PITPNM2: variants seen among roughly 807,000 people sequenced by gnomAD.
PITPNM2 encodes the protein membrane-associated phosphatidylinositol transfer protein 2.
Under a neutral mutation model 132.2 loss-of-function variants are expected in PITPNM2, and 35 were observed. The ratio of observed to expected loss-of-function variants is 0.26; its 90% CI spans 0.20 to 0.35. The LOEUF (loss-of-function observed/expected upper bound fraction) is 0.35. Among genes scored for constraint, PITPNM2 ranks in the 10% least tolerant of loss-of-function variants. The pLI is 1.00. For missense variants in PITPNM2, 1,332 were observed against 1,912.0 expected, an observed-to-expected ratio of 0.70 and a Z score of 5.66; for synonymous variants, 738 against 799.2, an observed-to-expected ratio of 0.92 and a Z score of 1.29.
At chr12:123,069,898 T>A (rs1256189967) in intron 2 of PITPNM2, among the ~76,000 whole-genome samples, 1 of 152,192 alleles carries the variant, frequency 6.6e-6, no homozygotes, top group African/African-American at 2.4e-5. Context: ...CAGATTCTGG[T>A]CATCTGCCCT....
rs1226279047 is a variant in PITPNM2 at position 123,010,048 on chromosome 12, G to A, written c.445C>T (p.Pro149Ser). 4 of 1,614,094 alleles carry A rather than the reference G, an allele frequency of 2.5e-6. No homozygotes were observed. The highest frequency in any genetic ancestry group is 1.3e-5 in the African/African-American group (1 of 75,022). Residue 149 changes from proline (P) to serine (S), a missense_variant, in exon 6 of 26, where the codon CCC (proline) becomes TCC (serine). By Grantham distance (74) the Pro-to-Ser change is moderately conservative. Around this residue, in one of 6 missense-constraint regions of PITPNM2, gnomAD observed 122 missense variants for 209.6 expected, o/e 0.58. Transcript: ENST00000320201. ...TCTTCTGTCTTATACTCGTTGTGGG[G>A]CACAGGGTCTTTGACAATGTCGATG... ...DFIDIVKDPV[P>S]HNEYKTEEDP...
At chr12:123,146,704 T>C (rs953962235) in intron 1 of PITPNM2, among the ~76,000 whole-genome samples, 2 of 151,162 alleles carry the variant, frequency 1.3e-5, no homozygotes, top group Non-Finnish European at 2.9e-5. Context: ...TGACCATAAA[T>C]GTTTAGCAGA....
chr12:123,031,476 C>G lies in PITPNM2; in HGVS notation c.78+3037G>C, dbSNP rs910952587. Among the ~76,000 whole-genome samples, 3 of 152,234 alleles carry G rather than the reference C, an allele frequency of 2.0e-5. No individual in the cohort carries two copies. The highest frequency in any genetic ancestry group is 1.5e-5 in the Non-Finnish European group (1 of 68,040). ...TCCCAGTCAGTAGCTCTAGCAGGAA[C>G]CTATGGCTTCCTGGTAACTACATGA... On this transcript the variant is annotated intron_variant, in intron 3 of 25. Coordinates refer to ENST00000320201, the MANE Select transcript of PITPNM2 (RefSeq NM_020845.3). This position sits in a 1 kb window ranked among gnomAD's most constrained non-coding sequence, Gnocchi z 4.5.
chr12:122,996,028 C>A (rs2038413318), intron 13 of PITPNM2, among the ~76,000 whole-genome samples: 1 of 152,222 alleles, frequency 6.6e-6, no homozygotes, highest in Non-Finnish European at 1.5e-5. Context: ...CCCCCATGTA[C>A]CTGCCCTGCC....
At chr12:123,086,449 G>A (rs1316600676) in intron 2 of PITPNM2, among the ~76,000 whole-genome samples, 1 of 152,194 alleles carries the variant, frequency 6.6e-6, no homozygotes, top group African/African-American at 2.4e-5. Context: ...GTCGGTAAAT[G>A]GTAATGATAC....
intron 2 of PITPNM2, among the ~76,000 whole-genome samples, chr12:123,096,534 G>A (rs922833407): frequency 6.6e-6 from 1 of 152,142 alleles, no homozygotes; most frequent in African/African-American, 2.4e-5. Context: ...GGAGGGGGGC[G>A]AGGAATGAGA....
intron 2 of PITPNM2, among the ~76,000 whole-genome samples, chr12:123,073,551 TCTC>T (rs1566279040): frequency 1.3e-5 from 2 of 152,252 alleles, no homozygotes; most frequent in African/African-American, 4.8e-5. Flanking sequence ...GAGGCACATA[TCTC>T]CTCATGTGCA....
intron 5 of PITPNM2, among the ~76,000 whole-genome samples, chr12:123,011,563 G>C (rs2039205052): frequency 6.6e-6 from 1 of 152,214 alleles, no homozygotes; most frequent in Non-Finnish European, 1.5e-5. Context: ...ATCTTATCTA[G>C]AGATAAGGTT....
At chr12:123,080,718 C>T (rs1341427605) in intron 2 of PITPNM2, among the ~76,000 whole-genome samples, 3 of 152,190 alleles carry the variant, frequency 2.0e-5, no homozygotes, top group African/African-American at 7.2e-5. Context: ...AAATGAAACC[C>T]GGTGCCAGGA....
At chr12:123,063,950 G>C (rs1399309293) in intron 2 of PITPNM2, among the ~76,000 whole-genome samples, 6 of 151,814 alleles carry the variant, frequency 4.0e-5, no homozygotes, top group African/African-American at 1.5e-4. Context: ...TAAATTAACA[G>C]ACAATCAATG....
chr12:123,034,610 C>A lies in PITPNM2; in HGVS notation c.-20G>T. 6.2e-7 allele frequency: 1 copy of A among 1,611,382 alleles called. No homozygotes were observed. Among genetic ancestry groups the A allele is most frequent in the Non-Finnish European group, 8.5e-7 (1 of 1,177,462 alleles). ...AATCATCTTGGAGTCCAAGCCTTCC[C>A]GTCGATGGGGAACTGCAAGTTGGGA... is the stretch of plus-strand genomic sequence containing the variant. On this transcript the variant is annotated 5_prime_UTR_variant, in exon 3 of 26. Coordinates refer to ENST00000320201, the MANE Select transcript of PITPNM2 (RefSeq NM_020845.3).
intron 2 of PITPNM2, among the ~76,000 whole-genome samples, chr12:123,071,535 C>A (rs1453539321): frequency 6.6e-6 from 1 of 152,250 alleles, no homozygotes; most frequent in Non-Finnish European, 1.5e-5. Flanking sequence ...ATCACACCTC[C>A]TGACAGAAAG....
intron 2 of PITPNM2, chr12:123,089,433 C>T (rs567025981): frequency 6.6e-6 from 1 of 152,164 alleles, no homozygotes; most frequent in East Asian, 1.9e-4. Flanking sequence ...CTGTTTACTT[C>T]CCCTTTATGC....
intron 6 of PITPNM2, among the ~76,000 whole-genome samples, chr12:123,006,499 C>T (rs1379605832): frequency 6.6e-6 from 1 of 150,376 alleles, no homozygotes; most frequent in Non-Finnish European, 1.5e-5. Context: ...CCAGGAGCTT[C>T]AGACCAGCCT....
In PITPNM2 at chr12:122,992,011, C is replaced by A; in HGVS notation, c.2404+488G>T. 1 of 1,018,142 alleles carries A rather than the reference C, an allele frequency of 9.8e-7. No individual in the cohort carries two copies. Among genetic ancestry groups the A allele is most frequent in the Non-Finnish European group, 1.3e-6 (1 of 784,026 alleles). 63.1% of individuals were successfully genotyped at this position (1,018,142 alleles called of 1,614,324 possible). ...CCTCGAGGACCAGGACGTGACAAGACGCTGGGACACACGCTGGGGCAGGGG... is the reference window on the plus strand; with the variant it reads ...CCTCGAGGACCAGGACGTGACAAGAAGCTGGGACACACGCTGGGGCAGGGG... On this transcript the variant is annotated intron_variant, in intron 16 of 25. Transcript: ENST00000320201. The surrounding 1 kb of genome is among the most constrained non-coding windows in gnomAD (Gnocchi z 6.5).
chr12:123,039,415 AACTG>A (rs779007430), intron 2 of PITPNM2, among the ~76,000 whole-genome samples: 95 of 152,350 alleles, frequency 6.2e-4, no homozygotes, highest in African/African-American at 1.0e-3. Context: ...TATGTGATTG[AACTG>A]ACTATCAAAA....
chr12:123,018,011 CCTT>C (rs1592947077), intron 3 of PITPNM2, among the ~76,000 whole-genome samples: 1 of 139,590 alleles, frequency 7.2e-6, no homozygotes, highest in East Asian at 2.0e-4. Flanking sequence ...TTCCTTCCTT[CCTT>C]CCTTCCTTCC....
intron 2 of PITPNM2, among the ~76,000 whole-genome samples, chr12:123,046,090 A>C (rs774395758): frequency 1.2e-4 from 19 of 152,158 alleles, no homozygotes; most frequent in Non-Finnish European, 2.4e-4. Context: ...GGCAGCTAAC[A>C]GTCAGAGACT....
intron 2 of PITPNM2, among the ~76,000 whole-genome samples, chr12:123,085,131 T>G (rs1185490924): frequency 6.6e-6 from 1 of 152,200 alleles, no homozygotes; most frequent in Non-Finnish European, 1.5e-5. Context: ...GAGTGCTACA[T>G]GTGGAACTGA....
Sources: gnomAD v4.1 joint callset for allele counts (sites outside exome capture counted in the v4.1 genomes callset) on GRCh38, gnomAD v4.1.1 for gene constraint, gnomAD v4.1.1 regional missense constraint, Gnocchi (gnomAD v3.1) non-coding constraint, MANE v1.5 for transcripts, NCBI Gene and HGNC (gene_info 2026-07-23, HGNC 2026-07-21) for gene names.